Variants in RFX4 observed in about 807,000 individuals in gnomAD.
The protein encoded by RFX4 is transcription factor RFX4.
RFX4 carries 10 observed loss-of-function variants against 95.0 expected under a neutral mutation model. That is an observed-to-expected ratio of 0.11 (90% CI 0.06 to 0.18). The LOEUF (loss-of-function observed/expected upper bound fraction) is 0.18. Among genes scored for constraint, RFX4 ranks in the 10% least tolerant of loss-of-function variants. The pLI, the probability that RFX4 is intolerant of heterozygous loss-of-function variation, is 1.00. For synonymous variants in RFX4, 321 were observed against 340.7 expected, an observed-to-expected ratio of 0.94 and a Z score of 0.64; for missense variants, 640 against 922.0, an observed-to-expected ratio of 0.69 and a Z score of 3.96.
chr12:106,604,115 C>CTTTTTTTT (rs1163891542), intron 1 of RFX4, among the ~76,000 whole-genome samples: 2 of 112,810 alleles, frequency 1.8e-5, no homozygotes, highest in Admixed American at 9.6e-5. Flanking sequence ...GCTTCTCTCT[C>CTTTTTTTT]TTTTTTTTTT....
intron 8 of RFX4, among the ~76,000 whole-genome samples, chr12:106,701,895 T>G (rs1413204621): frequency 6.6e-6 from 1 of 152,116 alleles, no homozygotes; most frequent in Non-Finnish European, 1.5e-5. Flanking sequence ...CTTGTGCCTA[T>G]AGTCTAGCCA....
At chr12:106,671,591 G>C (rs1298580868) in intron 4 of RFX4, among the ~76,000 whole-genome samples, 1 of 152,084 alleles carries the variant, frequency 6.6e-6, no homozygotes, top group Non-Finnish European at 1.5e-5. Context: ...AATCACCCTA[G>C]ATCCCAGTTC....
At chr12:106,709,457 G>C in intron 9 of RFX4, 27 bp downstream of exon 9, 1 of 1,552,966 alleles carries the variant, frequency 6.4e-7, no homozygotes, top group Non-Finnish European at 8.8e-7. Context: ...GAGCGGGATG[G>C]AAGAGAGAAT....
At chr12:106,668,442 T>C (rs2041218710) in intron 4 of RFX4, among the ~76,000 whole-genome samples, 3 of 152,120 alleles carry the variant, frequency 2.0e-5, no homozygotes, top group Admixed American at 1.3e-4. Context: ...AAACTACGGT[T>C]TGAGCCAGGT....
chr12:106,697,400 T>G (rs2041901402), intron 8 of RFX4, among the ~76,000 whole-genome samples: 1 of 152,166 alleles, frequency 6.6e-6, no homozygotes, highest in Non-Finnish European at 1.5e-5. Flanking sequence ...ATGTCCAGTT[T>G]TGTCCTACTC....
intron 11 of RFX4, among the ~76,000 whole-genome samples, chr12:106,715,798 C>T (rs2042277951): frequency 6.6e-6 from 1 of 152,008 alleles, no homozygotes; most frequent in Non-Finnish European, 1.5e-5. Context: ...TGCAAAGGGC[C>T]CCACATGTGA....
At chr12:106,587,606 C>G (rs575568406) in intron 1 of RFX4, among the ~76,000 whole-genome samples, 2 of 152,240 alleles carry the variant, frequency 1.3e-5, no homozygotes, top group African/African-American at 4.8e-5. Flanking sequence ...TGCTCCCTCC[C>G]TCCTCTCCGG....
chr12:106,694,801 G>A (rs1253856502), intron 7 of RFX4, among the ~76,000 whole-genome samples: 1 of 152,078 alleles, frequency 6.6e-6, no homozygotes, highest in Non-Finnish European at 1.5e-5. Context: ...TTGGGAGGCC[G>A]AGGCGTGCAG....
chr12:106,759,467 G>A (rs1250264330), intron 17 of RFX4, among the ~76,000 whole-genome samples: 1 of 152,184 alleles, frequency 6.6e-6, no homozygotes, highest in African/African-American at 2.4e-5. Context: ...AGTTCCTAAT[G>A]TTATCTGTTT....
At chr12:106,625,634 T>C (rs2040282515) in intron 2 of RFX4, among the ~76,000 whole-genome samples, 1 of 152,168 alleles carries the variant, frequency 6.6e-6, no homozygotes, top group Non-Finnish European at 1.5e-5. Flanking sequence ...CAGAGTTGTA[T>C]GGGTAGAACA....
intron 2 of RFX4, among the ~76,000 whole-genome samples, chr12:106,616,024 C>G (rs1436480006): frequency 6.6e-6 from 1 of 152,150 alleles, no homozygotes; most frequent in Admixed American, 6.5e-5. Context: ...TAGTGGACAT[C>G]ATTGCCTTTT....
chr12:106,619,834 C>T lies in RFX4; in HGVS notation c.130+10951C>T, dbSNP rs182156217. Among the ~76,000 whole-genome samples the T allele has an allele frequency of 2.7e-3, 411 of 152,060 alleles. 1 individual carries two copies. The highest frequency in any genetic ancestry group is 9.4e-3 in the African/African-American group (388 of 41,492). On this transcript the variant is annotated intron_variant, in intron 2 of 17. Transcript: ENST00000392842. ...TTGACCTGCCTTTCAGTTCTAAATT[C>T]CCATTTTCTATCATATCTAGTCTTC... is the stretch of plus-strand genomic sequence containing the variant.
intron 4 of RFX4, among the ~76,000 whole-genome samples, chr12:106,657,870 T>C (rs2040991340): frequency 6.6e-6 from 1 of 152,158 alleles, no homozygotes. Flanking sequence ...AATAGATATA[T>C]TTATACATTT....
intron 17 of RFX4, among the ~76,000 whole-genome samples, chr12:106,753,733 T>A (rs578215131): frequency 2.4e-4 from 36 of 152,306 alleles, no homozygotes; most frequent in Non-Finnish European, 3.8e-4. Flanking sequence ...CACCACCCCC[T>A]GCCGCCTCTC....
intron 2 of RFX4, among the ~76,000 whole-genome samples, chr12:106,620,406 G>T (rs960561230): frequency 6.6e-6 from 1 of 152,172 alleles, no homozygotes; most frequent in South Asian, 2.1e-4. Flanking sequence ...GCCTGCCTGA[G>T]CCTCAAACCA....
At chr12:106,710,134 T>C (rs1445985722) in intron 9 of RFX4, among the ~76,000 whole-genome samples, 4 of 152,192 alleles carry the variant, frequency 2.6e-5, no homozygotes, top group Non-Finnish European at 5.9e-5. Context: ...TAAACAAAGA[T>C]GAAATGATTT....
At chr12:106,628,964 G>A (rs2040361493) in intron 2 of RFX4, among the ~76,000 whole-genome samples, 1 of 151,950 alleles carries the variant, frequency 6.6e-6, no homozygotes. Context: ...TTGCCGTGTT[G>A]GTTAGGCTGG....
chr12:106,752,896 T>G lies in RFX4; in HGVS notation c.1935+2103T>G, dbSNP rs370351297. 5.8e-4 allele frequency among the ~76,000 whole-genome samples: 89 copies of G among 152,248 alleles called. 1 individual carries two copies. The South Asian group carries it at 0.018, about 30-fold the overall frequency. ...CCCTGTGCCTTGGCTCTGATCCGAC[T>G]GGTGGCCAGTTCCACTCTGCATCCT... On this transcript the variant is annotated intron_variant, in intron 17 of 17. Transcript: ENST00000392842.
At chr12:106,606,669 G>C (rs2039839513) in intron 1 of RFX4, among the ~76,000 whole-genome samples, 1 of 152,152 alleles carries the variant, frequency 6.6e-6, no homozygotes, top group South Asian at 2.1e-4. Context: ...GTATTTCCTG[G>C]GAAATATCAG....
Sources: gnomAD v4.1 joint callset for allele counts (sites outside exome capture counted in the v4.1 genomes callset) on GRCh38, gnomAD v4.1.1 for gene constraint, MANE v1.5 for transcripts, NCBI Gene and HGNC (gene_info 2026-07-23, HGNC 2026-07-21) for gene names.